Variants in GRM8 observed in about 807,000 individuals in gnomAD.
GRM8 encodes metabotropic glutamate receptor 8.
In GRM8, 47 loss-of-function variants were observed where a neutral mutation model predicts 87.2. The ratio of observed to expected loss-of-function variants is 0.54; its 90% confidence interval spans 0.43 to 0.69. The LOEUF (loss-of-function observed/expected upper bound fraction) is 0.69. Among genes scored for constraint, GRM8 ranks in the 30% least tolerant of loss-of-function variants. The pLI is 0.00. For missense variants in GRM8, 1,019 were observed against 1,139.2 expected (o/e 0.89, Z 1.52); for synonymous variants, 396 against 404.5 (o/e 0.98, Z 0.25).
At chr7:126,603,533 C>T (rs12536927) in intron 8 of GRM8, among the ~76,000 whole-genome samples, 2 of 151,514 alleles carry the variant, frequency 1.3e-5, no homozygotes, top group East Asian at 3.9e-4. Context: ...GCAACTTCAG[C>T]AAAGTCTCAG....
chr7:126,727,493 G>C (rs1813127096), intron 7 of GRM8, among the ~76,000 whole-genome samples: 1 of 151,920 alleles, frequency 6.6e-6, no homozygotes, highest in South Asian at 2.1e-4. Flanking sequence ...TTCCATATAG[G>C]TAGATGTCCC....
intron 3 of GRM8, among the ~76,000 whole-genome samples, chr7:126,937,218 C>T (rs1367321039): frequency 6.6e-6 from 1 of 152,182 alleles, no homozygotes; most frequent in Non-Finnish European, 1.5e-5. Flanking sequence ...GAGCCTATTG[C>T]TTCAGATGAC....
chr7:126,591,596 T>C (rs1796671330), intron 8 of GRM8, among the ~76,000 whole-genome samples: 1 of 151,742 alleles, frequency 6.6e-6, no homozygotes, highest in Admixed American at 6.6e-5. Flanking sequence ...AAAATGAACA[T>C]ACAACATACC....
intron 7 of GRM8, among the ~76,000 whole-genome samples, chr7:126,650,633 A>C (rs1207318156): frequency 2.6e-5 from 4 of 152,094 alleles, no homozygotes; most frequent in African/African-American, 9.7e-5. Flanking sequence ...GAAAATTGGC[A>C]ACAAAGAAAT....
chr7:126,821,342 C>G (rs1339940939), intron 6 of GRM8, among the ~76,000 whole-genome samples: 3 of 152,036 alleles, frequency 2.0e-5, no homozygotes, highest in Admixed American at 1.3e-4. Flanking sequence ...ACTGCAGTGC[C>G]TTAGGAAATC....
At chr7:126,515,690 T>G (rs1042094728) in intron 9 of GRM8, among the ~76,000 whole-genome samples, 3 of 152,056 alleles carry the variant, frequency 2.0e-5, no homozygotes, top group Non-Finnish European at 2.9e-5. Flanking sequence ...CATGGCCCCT[T>G]CCATCTTCAA....
intron 9 of GRM8, among the ~76,000 whole-genome samples, chr7:126,482,915 A>ATT (rs1806870684): frequency 1.3e-5 from 2 of 151,732 alleles, no homozygotes; most frequent in Admixed American, 1.3e-4. Context: ...TAATCTGGTA[A>ATT]ATTCTATAAA....
intron 9 of GRM8, among the ~76,000 whole-genome samples, chr7:126,467,817 G>T (rs1319120167): frequency 6.6e-6 from 1 of 151,950 alleles, no homozygotes; most frequent in Non-Finnish European, 1.5e-5. Flanking sequence ...TCAGGCAAAG[G>T]CAGGGGCTTT....
chr7:126,581,898 T>C (rs1203713176), intron 8 of GRM8, among the ~76,000 whole-genome samples: 2 of 152,178 alleles, frequency 1.3e-5, no homozygotes, highest in Non-Finnish European at 2.9e-5. Context: ...ATGTTGTGTG[T>C]TCTGACTGCT....
chr7:126,976,647 C>CA (rs1485500428), intron 3 of GRM8, among the ~76,000 whole-genome samples: 3 of 151,908 alleles, frequency 2.0e-5, no homozygotes, highest in Non-Finnish European at 4.4e-5. Flanking sequence ...TGAAATTTAA[C>CA]AAAAAATGGT....
At chr7:126,444,306 T>C (rs1390219790) in intron 10 of GRM8, among the ~76,000 whole-genome samples, 1 of 152,094 alleles carries the variant, frequency 6.6e-6, no homozygotes, top group Non-Finnish European at 1.5e-5. Flanking sequence ...GTATACCTTT[T>C]GCTAAGAGCC....
intron 6 of GRM8, among the ~76,000 whole-genome samples, chr7:126,781,709 T>A (rs539631553): frequency 2.0e-5 from 3 of 152,250 alleles, no homozygotes; most frequent in East Asian, 1.9e-4. Flanking sequence ...TTCTAAAAAA[T>A]TTTATTTATT....
intron 1 of GRM8, among the ~76,000 whole-genome samples, chr7:127,251,801 A>G (rs1798890679): frequency 6.6e-6 from 1 of 152,100 alleles, no homozygotes; most frequent in African/African-American, 2.4e-5. Context: ...TTTTTAAACA[A>G]GATCCCCGAG....
At chr7:127,105,267 G>C (rs1311388217) in intron 3 of GRM8, 2 of 152,208 alleles carry the variant, frequency 1.3e-5, no homozygotes, top group Admixed American at 1.3e-4. Context: ...TTCCCAGAGA[G>C]CAAAGATTAT....
At chr7:127,119,515 CAT>C (rs377037309) in intron 2 of GRM8, among the ~76,000 whole-genome samples, 53 of 151,110 alleles carry the variant, frequency 3.5e-4, no homozygotes, top group Non-Finnish European at 4.4e-4. Flanking sequence ...CACACACACA[CAT>C]GCACACACAC....
chr7:126,767,084 C>G (rs1183163861), intron 7 of GRM8, among the ~76,000 whole-genome samples: 1 of 152,102 alleles, frequency 6.6e-6, no homozygotes, highest in Non-Finnish European at 1.5e-5. Flanking sequence ...AATCCCTTAA[C>G]AGTTCTTGTT....
intron 6 of GRM8, among the ~76,000 whole-genome samples, chr7:126,819,021 C>T (rs1336422953): frequency 6.6e-6 from 1 of 151,988 alleles, no homozygotes; most frequent in Admixed American, 6.6e-5. Flanking sequence ...CCAGTTCAGG[C>T]CCCCTTCAGC....
intron 6 of GRM8, among the ~76,000 whole-genome samples, chr7:126,871,621 C>A (rs1489869760): frequency 6.6e-6 from 1 of 152,132 alleles, no homozygotes; most frequent in African/African-American, 2.4e-5. Flanking sequence ...ATGTTCTGTG[C>A]ATTTTATTTT....
rs924019337 is a variant in GRM8, at chr7:126,539,974, G to A, written c.1495-6087C>T. ...CACTTCATCTATGTTAAATAATTGT[G>A]TGGGTCAAGAGACACCACCAAGATT... On this transcript the variant is annotated intron_variant, in intron 8 of 10. Coordinates refer to ENST00000339582, the MANE Select transcript of GRM8 (RefSeq NM_000845.3). 8.6e-5 allele frequency among the ~76,000 whole-genome samples: 13 copies of A among 152,000 alleles called. 1 individual carries two copies. Among genetic ancestry groups the A allele is most frequent in the African/African-American group, 7.2e-5 (3 of 41,420 alleles).
Sources: gnomAD v4.1 joint callset for allele counts (sites outside exome capture counted in the v4.1 genomes callset) on GRCh38, gnomAD v4.1.1 for gene constraint, MANE v1.5 for transcripts, NCBI Gene and HGNC (gene_info 2026-07-23, HGNC 2026-07-21) for gene names.